The following A2M variants were observed in gnomAD, a reference collection of about 807,000 sequenced individuals.
The protein encoded by A2M is C3 and PZP-like alpha-2-macroglobulin domain-containing protein 5.
A2M carries 128 observed loss-of-function variants against 183.9 expected under a neutral mutation model. The observed-to-expected ratio is 0.70, with a 90% CI of 0.60 to 0.81. The LOEUF is 0.81. Among genes scored for constraint, A2M ranks in the 30% least tolerant of loss-of-function variants. The pLI, the probability that A2M is intolerant of heterozygous loss-of-function variation, is 0.00. For synonymous variants in A2M, 592 were observed against 670.8 expected (o/e 0.88, Z 1.81); for missense variants, 1,495 against 1,787.6 (o/e 0.84, Z 2.95).
In A2M at chr12:9,107,600, A is replaced by G; in HGVS notation, c.803T>C (p.Ile268Thr). ...KPVPGHVTVSICRKYSDASDC... is the reference protein window; with the variant it reads ...KPVPGHVTVSTCRKYSDASDC... ...GGAAGCGTCACTATACTTTCTGCAA[A>G]TGCTCACAGTCACATGTCCAGGGAC... Residue 268 changes from isoleucine to threonine, a missense_variant, in exon 8 of 36, where the codon ATT becomes ACT. By Grantham distance (89) the Ile-to-Thr change is moderately conservative. Transcript: ENST00000318602. 6.2e-7 allele frequency: 1 copy of G among 1,613,974 alleles called. No homozygotes were observed. Among genetic ancestry groups the G allele is most frequent in the African/African-American group, 1.3e-5 (1 of 75,044 alleles).
intron 13 of A2M, among the ~76,000 whole-genome samples, chr12:9,100,518 A>T (rs1459252887): frequency 6.6e-6 from 1 of 152,096 alleles, no homozygotes; most frequent in Non-Finnish European, 1.5e-5. Context: ...ACCTCAAGAG[A>T]TCCTCCCATC....
rs959975452 is a variant in A2M at position 9,092,851 on chromosome 12, T to A, written c.2240+614A>T. Among the ~76,000 whole-genome samples, 4 of 152,304 alleles carry A rather than the reference T, an allele frequency of 2.6e-5. No homozygotes were observed. The South Asian group carries it at 8.3e-4, about 32-fold the overall frequency. ...AGCATTATTCACAGTTGCCAAGATA[T>A]AAAAACAACCTAAGTGTCTGGGTGA... is the stretch of plus-strand genomic sequence containing the variant. On this transcript the variant is annotated intron_variant, in intron 18 of 35. Coordinates refer to ENST00000318602, the MANE Select transcript of A2M (RefSeq NM_000014.6).
At chr12:9,098,107 AC>A (rs1488190589) in intron 15 of A2M, among the ~76,000 whole-genome samples, 2 of 152,198 alleles carry the variant, frequency 1.3e-5, no homozygotes, top group African/African-American at 4.8e-5. Context: ...TGGTCTTTTT[AC>A]ATTTTAAATA....
intron 1 of A2M, 111 bp from the exon 2 acceptor site, chr12:9,113,654 G>A (rs1938917016): frequency 9.4e-7 from 1 of 1,062,426 alleles, no homozygotes; most frequent in Admixed American, 2.4e-5. Context: ...ACCAAGAGAA[G>A]ATGTACTGAT....
At chr12:9,085,346 G>C (rs1949022932) in intron 22 of A2M, among the ~76,000 whole-genome samples, 1 of 151,986 alleles carries the variant, frequency 6.6e-6, no homozygotes, top group Non-Finnish European at 1.5e-5. Flanking sequence ...AACTAGAAAT[G>C]AGTAACAGGA....
At chr12:9,101,003 A>G (rs375143550) in intron 13 of A2M, 141 bp downstream of exon 13, 1 of 736,342 alleles carries the variant, frequency 1.4e-6, no homozygotes, top group Admixed American at 2.8e-5. Context: ...CTACCAAAGA[A>G]TTTATTCATT....
At chr12:9,115,651 A>T (rs1939060852) in intron 1 of A2M, 113 bp downstream of exon 1, 2 of 767,460 alleles carry the variant, frequency 2.6e-6, no homozygotes, top group African/African-American at 1.8e-5. Context: ...AAGGAATCTT[A>T]GAGATAAGAA....
chr12:9,098,839 T>G, intron 14 of A2M, 83 bp from the exon 15 acceptor site: 1 of 1,489,920 alleles, frequency 6.7e-7, no homozygotes, highest in Non-Finnish European at 9.1e-7. Flanking sequence ...GTGTTCCTCA[T>G]GTACAATGTA....
chr12:9,075,446 TA>T (rs967585941), intron 28 of A2M, among the ~76,000 whole-genome samples: 1 of 151,722 alleles, frequency 6.6e-6, no homozygotes, highest in South Asian at 2.1e-4. Context: ...TAGCAAAACA[TA>T]AAAAAAATCC....
In A2M at chr12:9,095,080, A is replaced by G; in HGVS notation, c.2018T>C (p.Met673Thr). Residue 673 changes from methionine (M) to threonine (T), a missense_variant, in exon 17 of 36, where the codon ATG becomes ACG. Physicochemically the swap from Met to Thr is moderately conservative, Grantham distance 81. Transcript: ENST00000318602. ...TGAGTTGGTGAATGCCTTTAAGCCCATGTCCTGCAAAGAAAATTATCATCT... is the reference window on the plus strand; with the variant it reads ...TGAGTTGGTGAATGCCTTTAAGCCCGTGTCCTGCAAAGAAAATTATCATCT... ...EKDMYSFLEDMGLKAFTNSKI... is the reference protein window; with the variant it reads ...EKDMYSFLEDTGLKAFTNSKI... The G allele has an allele frequency of 6.5e-7, 1 of 1,543,930 alleles. No homozygotes were observed.
intron 29 of A2M, 112 bp from the exon 30 acceptor site, chr12:9,072,983 C>G (rs1334701920): frequency 2.7e-6 from 2 of 732,568 alleles, no homozygotes; most frequent in East Asian, 2.7e-5. Context: ...TCCCTCACTA[C>G]TTAAATATAG....
Position 9,113,445 on chromosome 12 carries a change from G to A in A2M, c.185C>T (p.Ala62Val), listed in dbSNP as rs759277760. Residue 62 changes from alanine (A) to valine (V), a missense_variant, in exon 2 of 36, where the codon GCT becomes GTT. Coordinates refer to ENST00000318602, the MANE Select transcript of A2M (RefSeq NM_000014.6). ...GTTTCCCCTGACAGACTCCAAGGAA[G>A]CACTTACAGTCACTGTCTCATTCAG... is the stretch of plus-strand genomic sequence containing the variant. ...SYLNETVTVS[A>V]SLESVRGNRS... 9 of 1,613,810 alleles carry A rather than the reference G, an allele frequency of 5.6e-6. No homozygotes were observed. In the Admixed American group the frequency reaches 1.2e-4, roughly 21 times the overall value.
chr12:9,097,632 C>CTTTTTTTTT (rs34844537), intron 15 of A2M, among the ~76,000 whole-genome samples: 6 of 127,116 alleles, frequency 4.7e-5, no homozygotes, highest in Admixed American at 8.2e-5. Flanking sequence ...TGATGTAATT[C>CTTTTTTTTT]TTTTTTTTTT....
At chr12:9,094,224 T>G (rs937940661) in intron 17 of A2M, among the ~76,000 whole-genome samples, 10 of 151,812 alleles carry the variant, frequency 6.6e-5, no homozygotes, top group South Asian at 2.1e-4. Context: ...TAATAAAGAC[T>G]TTTTATTCTC....
intron 5 of A2M, 97 bp downstream of exon 5, chr12:9,110,217 G>A: frequency 8.5e-7 from 1 of 1,182,478 alleles, no homozygotes; most frequent in Non-Finnish European, 1.2e-6. Flanking sequence ...CTCCTTTAAT[G>A]ACAAGTTTCT....
At chr12:9,080,307 T>C in intron 22 of A2M, 130 bp from the exon 23 acceptor site, 1 of 516,300 alleles carries the variant, frequency 1.9e-6, no homozygotes, top group Non-Finnish European at 3.5e-6. Context: ...CCGCCTTTAA[T>C]ACAACAGTAA....
intron 1 of A2M, chr12:9,115,423 A>C (rs1939046794): frequency 5.4e-6 from 1 of 184,660 alleles, no homozygotes; most frequent in Non-Finnish European, 1.1e-5. Context: ...TTTTTATAAA[A>C]TAGAAAATGG....
intron 24 of A2M, 105 bp downstream of exon 24, chr12:9,079,534 A>G (rs1046359828): frequency 8.7e-7 from 1 of 1,153,774 alleles, no homozygotes. Context: ...CAGCTATCAT[A>G]GTGAGCTAAG....
intron 25 of A2M, 76 bp from the exon 26 acceptor site, chr12:9,077,933 A>C: frequency 6.4e-7 from 1 of 1,567,842 alleles, no homozygotes; most frequent in South Asian, 1.1e-5. Flanking sequence ...AACAGGCTTC[A>C]TATGATGTGA....
Sources: gnomAD v4.1 joint callset for allele counts (sites outside exome capture counted in the v4.1 genomes callset) on GRCh38, gnomAD v4.1.1 for gene constraint, MANE v1.5 for transcripts, NCBI Gene and HGNC (gene_info 2026-07-23, HGNC 2026-07-21) for gene names.